ACOT1: variants seen among roughly 807,000 people sequenced by gnomAD.
ACOT1 encodes acyl-CoA thioesterase 1.
In ACOT1, 8 loss-of-function variants were observed where a neutral mutation model predicts 15.7. That is an observed-to-expected ratio of 0.51 (90% confidence interval 0.30 to 0.92). The LOEUF is 0.92. Among genes scored for constraint, ACOT1 ranks in the 40% least tolerant of loss-of-function variants. The probability of loss-of-function intolerance (pLI) is 0.06; values close to 1 mark genes in which losing one functional copy is unlikely to be tolerated. For synonymous variants in ACOT1, 67 were observed against 241.2 expected, an observed-to-expected ratio of 0.28 and a Z score of 6.69; for missense variants, 151 against 539.4, an observed-to-expected ratio of 0.28 and a Z score of 7.13.
At chr14:73,527,883 G>A in the ACOT1 span, among the ~76,000 whole-genome samples, 2 of 149,694 alleles carry the variant, frequency 1.3e-5, no homozygotes, top group Admixed American at 1.3e-4. Context: ...GGAGGCTGAG[G>A]CAGGAGAGTT....
the ACOT1 span, among the ~76,000 whole-genome samples, chr14:73,515,472 A>C: frequency 6.6e-6 from 1 of 151,766 alleles, no homozygotes; most frequent in African/African-American, 2.4e-5. Context: ...TTGAGGTCAC[A>C]AGTTCGAGAC....
the ACOT1 span, among the ~76,000 whole-genome samples, chr14:73,513,602 C>T: frequency 2.6e-5 from 4 of 151,862 alleles, no homozygotes; most frequent in African/African-American, 9.7e-5. Flanking sequence ...TGGCGGGTGC[C>T]TGTAATCCTA....
chr14:73,523,221 G>C, the ACOT1 span: 1 of 1,444,510 alleles, frequency 6.9e-7, no homozygotes, highest in East Asian at 2.5e-5. Context: ...ATGAGACCTG[G>C]CACCTGTTAA....
the ACOT1 span, chr14:73,522,369 G>A: frequency 6.2e-7 from 1 of 1,614,224 alleles, no homozygotes; most frequent in Non-Finnish European, 8.5e-7. Flanking sequence ...TCTGCCTCCA[G>A]CTGTTTCAGG....
chr14:73,513,728 C>CAAAAAAAAA, the ACOT1 span, among the ~76,000 whole-genome samples: 1 of 46,758 alleles, frequency 2.1e-5, no homozygotes. Flanking sequence ...ACTACGTCTC[C>CAAAAAAAAA]AAAAAAAAAA....
chr14:73,537,874 G>T lies in ACOT1; in HGVS notation c.453G>T (p.Pro151=), dbSNP rs1179895822. ...GGGTGCGAGGCACGCTCTTCCTGCC[G>T]CCAGGTGACTCACCTCCGCTAATTG... ...AGRVRGTLFL[P]PEPGPFPGIV... is the part of the protein sequence containing the mutation. Residue 151 remains proline, a synonymous_variant, in exon 1 of 3, where the codon CCG becomes CCT. Transcript: ENST00000311148. 2 of 1,195,390 alleles carry T rather than the reference G, an allele frequency of 1.7e-6. 1 individual carries two copies. Among genetic ancestry groups the T allele is most frequent in the Non-Finnish European group, 2.2e-6 (2 of 917,638 alleles). 74.0% of individuals were successfully genotyped at this position (1,195,390 alleles called of 1,614,324 possible).
chr14:73,505,973 C>T, the ACOT1 span, among the ~76,000 whole-genome samples: 1 of 149,736 alleles, frequency 6.7e-6, no homozygotes, highest in Non-Finnish European at 1.5e-5. Context: ...TCACTGCAAC[C>T]TCTGCCTCCT....
chr14:73,509,810 C>CTATATATATATA, the ACOT1 span, among the ~76,000 whole-genome samples: 10 of 63,198 alleles, frequency 1.6e-4, 3 homozygotes, highest in South Asian at 4.7e-4. Context: ...CCCCATGAGC[C>CTATATATATATA]CATATATATA....
the ACOT1 span, chr14:73,492,670 T>G: frequency 6.2e-7 from 1 of 1,613,966 alleles, no homozygotes; most frequent in Admixed American, 1.7e-5. This position sits in a 1 kb window ranked among gnomAD's most constrained non-coding sequence, Gnocchi z 4.9. Context: ...TCCATATGCT[T>G]CAGGATGGGA....
chr14:73,520,883 T>C, the ACOT1 span: 2 of 1,614,110 alleles, frequency 1.2e-6, no homozygotes, highest in African/African-American at 2.7e-5. Flanking sequence ...AGGTGTTGTC[T>C]GTGGAGTAGG....
chr14:73,500,491 G>A, the ACOT1 span: 1 of 1,516,064 alleles, frequency 6.6e-7, no homozygotes, highest in Non-Finnish European at 9.0e-7. Flanking sequence ...CACAACCAGG[G>A]AAGGTAATGC....
At chr14:73,492,425 A>G in the ACOT1 span, 7 of 1,613,604 alleles carry the variant, frequency 4.3e-6, no homozygotes, top group Non-Finnish European at 5.9e-6. The surrounding 1 kb of genome is among the most constrained non-coding windows in gnomAD (Gnocchi z 4.9). Flanking sequence ...TTCAGATTCT[A>G]AGGATCCGCG....
the ACOT1 span, chr14:73,493,222 G>A: frequency 2.0e-6 from 2 of 977,484 alleles, no homozygotes; most frequent in Non-Finnish European, 3.3e-6. Flanking sequence ...AGGCTTCAGT[G>A]TACTGGGTAA....
the ACOT1 span, among the ~76,000 whole-genome samples, chr14:73,526,665 C>T: frequency 0.15 from 22,378 of 152,190 alleles, 2,386 homozygotes; most frequent in Non-Finnish European, 0.22. Context: ...TGCTCCTAAG[C>T]TACATTTCCA....
At chr14:73,534,807 C>CTTT (rs553194860), upstream of ACOT1, among the ~76,000 whole-genome samples, 2 of 93,898 alleles carry the variant, frequency 2.1e-5, no homozygotes, top group African/African-American at 6.9e-5. Context: ...ATCTTTTCTG[C>CTTT]TTTTTTTTTT....
the ACOT1 span, chr14:73,506,450 CAAAG>C: frequency 1.9e-6 from 3 of 1,593,244 alleles, no homozygotes; most frequent in East Asian, 2.2e-5. Flanking sequence ...GTCCTGGAGG[CAAAG>C]AAAGAGGTTT....
the ACOT1 span, chr14:73,495,536 T>A: frequency 1.1e-3 from 739 of 644,052 alleles, 2 homozygotes; most frequent in Non-Finnish European, 1.6e-3. Context: ...TGAGCTGTGA[T>A]CATGCCACTG....
At chr14:73,494,698 G>A in the ACOT1 span, among the ~76,000 whole-genome samples, 1 of 152,072 alleles carries the variant, frequency 6.6e-6, no homozygotes, top group African/African-American at 2.4e-5. Flanking sequence ...CTACCAGTGT[G>A]TGCCACCACA....
At chr14:73,512,079 C>T in the ACOT1 span, 7 of 1,614,124 alleles carry the variant, frequency 4.3e-6, no homozygotes, top group South Asian at 1.1e-5. Flanking sequence ...TAGCTTTGAT[C>T]CGAACGTCAT....
Sources: allele counts gnomAD v4.1 joint callset (sites outside exome capture counted in the v4.1 genomes callset), GRCh38; gene constraint gnomAD v4.1.1; non-coding constraint Gnocchi (gnomAD v3.1); transcripts MANE v1.5; gene names NCBI Gene and HGNC (gene_info 2026-07-23, HGNC 2026-07-21).